Variants in SLC9A2 observed in about 807,000 individuals in gnomAD.
SLC9A2 encodes sodium/hydrogen exchanger 2.
Under a neutral mutation model 71.7 loss-of-function variants are expected in SLC9A2, and 42 were observed. That is an observed-to-expected ratio of 0.59 (90% confidence interval 0.46 to 0.76). The LOEUF (loss-of-function observed/expected upper bound fraction) is 0.76. Among genes scored for constraint, SLC9A2 ranks in the 30% least tolerant of loss-of-function variants. The pLI, the probability that SLC9A2 is intolerant of heterozygous loss-of-function variation, is 0.00. For missense variants in SLC9A2, 829 were observed against 1,017.4 expected (o/e 0.81, Z 2.52); for synonymous variants, 396 against 392.5 (o/e 1.01, Z -0.10).
intron 3 of SLC9A2, 94 bp from the exon 4 acceptor site, chr2:102,683,167 G>T: frequency 1.2e-6 from 1 of 815,382 alleles, no homozygotes; most frequent in Non-Finnish European, 2.1e-6. Context: ...TTGGGCAGAA[G>T]AGTAGAGCCA....
At chr2:102,636,022 T>C (rs1184838863) in intron 1 of SLC9A2, among the ~76,000 whole-genome samples, 6 of 152,216 alleles carry the variant, frequency 3.9e-5, no homozygotes, top group Admixed American at 1.3e-4. Context: ...ACTCTAGTCC[T>C]CTGTTTTCCC....
chr2:102,677,538 C>A (rs1677364929), intron 3 of SLC9A2, among the ~76,000 whole-genome samples: 1 of 152,170 alleles, frequency 6.6e-6, no homozygotes, highest in East Asian at 1.9e-4. Context: ...CTCATCTCCA[C>A]TCTGTCCTAC....
At chr2:102,642,612 T>C (rs1425931537) in intron 1 of SLC9A2, among the ~76,000 whole-genome samples, 3 of 152,186 alleles carry the variant, frequency 2.0e-5, no homozygotes, top group Non-Finnish European at 4.4e-5. Flanking sequence ...AGGGTATTGG[T>C]CTGTTGTTTT....
Position 102,666,024 on chromosome 2 carries a change from A to G in SLC9A2, c.1004+674A>G, listed in dbSNP as rs571384908. 1.2e-4 allele frequency among the ~76,000 whole-genome samples: 18 copies of G among 152,148 alleles called. No individual in the cohort carries two copies. In the South Asian group the frequency reaches 2.5e-3, roughly 21 times the overall value. ...TGGGAACCTATAAGCTTATTCCAAC[A>G]AAGTTGCATCCCAAGCTGCTCTTGG... On this transcript the variant is annotated intron_variant, in intron 3 of 11. Coordinates refer to ENST00000233969, the MANE Select transcript of SLC9A2 (RefSeq NM_003048.6).
chr2:102,645,344 A>G (rs1033247411), intron 1 of SLC9A2, among the ~76,000 whole-genome samples: 2 of 152,214 alleles, frequency 1.3e-5, no homozygotes, highest in South Asian at 2.1e-4. Flanking sequence ...AAGACGAAAA[A>G]AAACCAGTGC....
intron 2 of SLC9A2, among the ~76,000 whole-genome samples, chr2:102,661,118 A>AT (rs1231437171): frequency 1.3e-5 from 2 of 152,240 alleles, no homozygotes; most frequent in Non-Finnish European, 2.9e-5. Flanking sequence ...TAAACGTGTG[A>AT]TTTTTAAATA....
chr2:102,637,584 C>T (rs1264994485), intron 1 of SLC9A2, among the ~76,000 whole-genome samples: 2 of 152,058 alleles, frequency 1.3e-5, no homozygotes, highest in Non-Finnish European at 2.9e-5. Context: ...TCAGCTGCCT[C>T]CAGTGAAAAA....
intron 1 of SLC9A2, among the ~76,000 whole-genome samples, chr2:102,655,347 T>C (rs996530632): frequency 2.0e-5 from 3 of 151,968 alleles, no homozygotes; most frequent in Admixed American, 1.3e-4. Flanking sequence ...AGAGATGGGA[T>C]TTCACCATGT....
intron 2 of SLC9A2, among the ~76,000 whole-genome samples, chr2:102,664,637 G>A (rs901791855): frequency 4.6e-5 from 7 of 152,052 alleles, no homozygotes; most frequent in African/African-American, 1.7e-4. Context: ...CTGTCCTGAT[G>A]CGTAGGTCCC....
intron 5 of SLC9A2, among the ~76,000 whole-genome samples, chr2:102,687,846 T>C (rs1031884511): frequency 2.0e-5 from 3 of 152,110 alleles, no homozygotes; most frequent in Non-Finnish European, 4.4e-5. Flanking sequence ...TGGCACGATC[T>C]TGGCTCACTG....
At chr2:102,665,714 C>T (rs368941898) in intron 3 of SLC9A2, among the ~76,000 whole-genome samples, 24 of 118,530 alleles carry the variant, frequency 2.0e-4, no homozygotes, top group African/African-American at 7.3e-4. Flanking sequence ...GCGGAGCTTG[C>T]GGTGAGCCGA....
intron 11 of SLC9A2, among the ~76,000 whole-genome samples, chr2:102,707,464 G>A (rs1678004079): frequency 6.6e-6 from 1 of 152,098 alleles, no homozygotes. Context: ...CATGTTCTCA[G>A]TTCCCAAGAA....
chr2:102,620,135 T>C lies in SLC9A2; in HGVS notation c.287T>C (p.Ile96Thr). The part of the protein sequence containing the change: ...LWILLASLAK[I>T]GFHLYHKLPT... ...ATCCTGCTGGCCTCCCTGGCCAAGA[T>C]TGGTGAGCGAACTGGACTTGTGGGG... Residue 96 changes from isoleucine (I) to threonine (T), a missense_variant and splice_region_variant, in exon 1 of 12, where the codon ATT (isoleucine) becomes ACT (threonine). By Grantham distance (89) the Ile-to-Thr change is moderately conservative (BLOSUM62 -1). Transcript: ENST00000233969. The C allele has an allele frequency of 6.3e-7, 1 of 1,599,542 alleles. No homozygotes were observed.
intron 5 of SLC9A2, among the ~76,000 whole-genome samples, chr2:102,685,878 T>A (rs7562271): frequency 0.078 from 11,849 of 152,216 alleles, 1,044 homozygotes; most frequent in African/African-American, 0.22. Context: ...AATTGGTATT[T>A]GAAGCCATGA....
intron 5 of SLC9A2, among the ~76,000 whole-genome samples, chr2:102,684,604 C>G (rs1192625245): frequency 6.6e-6 from 1 of 152,186 alleles, no homozygotes; most frequent in Non-Finnish European, 1.5e-5. Flanking sequence ...AGGAACTGCA[C>G]TTGCTAATGC....
intron 1 of SLC9A2, among the ~76,000 whole-genome samples, chr2:102,651,622 A>C (rs778750234): frequency 4.6e-5 from 7 of 152,212 alleles, no homozygotes; most frequent in African/African-American, 1.7e-4. Context: ...GGATTCTCTC[A>C]CTGCTCTCTG....
chr2:102,693,785 C>G (rs1677705666), intron 5 of SLC9A2, among the ~76,000 whole-genome samples: 1 of 152,160 alleles, frequency 6.6e-6, no homozygotes, highest in Non-Finnish European at 1.5e-5. Context: ...CTGCAAAGTC[C>G]TAGAACCCAG....
At chr2:102,668,550 C>T (rs1012019494) in intron 3 of SLC9A2, among the ~76,000 whole-genome samples, 4 of 152,168 alleles carry the variant, frequency 2.6e-5, no homozygotes, top group South Asian at 2.1e-4. Context: ...GTACTAATTA[C>T]GCTCTCTCTT....
In SLC9A2 at chr2:102,687,937, G is replaced by A. The variant is rs141705950; in HGVS notation, c.1425+3601G>A. Among the ~76,000 whole-genome samples, 92 of 152,034 alleles carry A rather than the reference G, an allele frequency of 6.1e-4. No homozygotes were observed. The East Asian group carries it at 0.014, about 23-fold the overall frequency. On this transcript the variant is annotated intron_variant, in intron 5 of 11. Coordinates refer to ENST00000233969, the MANE Select transcript of SLC9A2 (RefSeq NM_003048.6). Reference sequence around the variant, plus strand: ...TGGGATTACAGAAATCCACCATCACGCCCAGCTAATTTTTATATTTTTAGT... The same window carrying A: ...TGGGATTACAGAAATCCACCATCACACCCAGCTAATTTTTATATTTTTAGT...
Sources: allele counts gnomAD v4.1 joint callset (sites outside exome capture counted in the v4.1 genomes callset), GRCh38; gene constraint gnomAD v4.1.1; transcripts MANE v1.5; gene names NCBI Gene and HGNC (gene_info 2026-07-23, HGNC 2026-07-21).